ABCA7: variants seen among roughly 807,000 people sequenced by gnomAD.
ABCA7 encodes ATP binding cassette subfamily A member 7.
ABCA7 carries 261 observed loss-of-function variants against 227.6 expected under a neutral mutation model. The observed-to-expected ratio is 1.15, with a 90% CI of 1.04 to 1.27. The LOEUF is 1.27. Among genes scored for constraint, ABCA7 ranks in the 50% most tolerant of loss-of-function variants. ABCA7 has a pLI of 0.00. For synonymous variants in ABCA7, 1,488 were observed against 1,279.7 expected (o/e 1.16, Z -3.47); for missense variants, 3,331 against 2,924.5 (o/e 1.14, Z -3.21).
rs2144735598 is a variant in ABCA7, at chr19:1,047,032, C to T, written c.1845+8C>T. 1.3e-6 allele frequency: 2 copies of T among 1,557,314 alleles called. No individual in the cohort carries two copies. Among genetic ancestry groups the T allele is most frequent in the Non-Finnish European group, 8.7e-7 (1 of 1,153,548 alleles). On this transcript the variant is annotated splice_region_variant and intron_variant, in intron 14 of 46. Coordinates refer to ENST00000263094, the MANE Select transcript of ABCA7 (RefSeq NM_019112.4). ...CTGGTTCTGGTGCTCAAGGTGGGCG[C>T]GCCTCGGCCTGCCCGGCTGCAGAAT...
In ABCA7 at chr19:1,046,284, G is replaced by T; in HGVS notation, c.1500G>T (p.Trp500Cys). 1 of 1,606,390 alleles carries T rather than the reference G, an allele frequency of 6.2e-7. No individual in the cohort carries two copies. Among genetic ancestry groups the T allele is most frequent in the South Asian group, 1.1e-5 (1 of 91,070 alleles). ...ADPLTDLRYVWGGFVYLQDLV... is the reference protein window; with the variant it reads ...ADPLTDLRYVCGGFVYLQDLV... Reference sequence around the variant, plus strand: ...CCCTGACCGACCTGCGCTACGTGTGGGGCGGCTTCGTGTACCTGCAAGACC... The same window carrying T: ...CCCTGACCGACCTGCGCTACGTGTGTGGCGGCTTCGTGTACCTGCAAGACC... The change falls in exon 13 of 47, where the codon TGG becomes TGT. Residue 500 changes from tryptophan to cysteine, a missense_variant. Coordinates refer to ENST00000263094, the MANE Select transcript of ABCA7 (RefSeq NM_019112.4).
Position 1,065,410 on chromosome 19 carries a change from C to A in ABCA7, c.6426C>A (p.Ala2142=), listed in dbSNP as rs138839714. The change falls in exon 47 of 47, where the codon GCC becomes GCA. Residue 2142 remains alanine, a synonymous_variant. Coordinates refer to ENST00000263094, the MANE Select transcript of ABCA7 (RefSeq NM_019112.4). Reference sequence around the variant, plus strand: ...AGTTCCTCGATGACCCTAGCACTGCCGAGACTGTGCTCTGAGCCTCCCTCC... The same window carrying A: ...AGTTCCTCGATGACCCTAGCACTGCAGAGACTGTGCTCTGAGCCTCCCTCC... The part of the protein sequence containing the change: ...VSQFLDDPST[A]ETVL 3.7e-6 allele frequency: 6 copies of A among 1,613,208 alleles called. No homozygotes were observed. Among genetic ancestry groups the A allele is most frequent in the Non-Finnish European group, 5.1e-6 (6 of 1,179,916 alleles).
At chr19:1,042,931 CAGG>C (rs1414973807) in intron 7 of ABCA7, 105 bp downstream of exon 7, 4 of 1,510,120 alleles carry the variant, frequency 2.6e-6, no homozygotes, top group South Asian at 2.6e-5. Context: ...GGTGGGTTTT[CAGG>C]AGGATTAGAC....
intron 23 of ABCA7, 25 bp from the exon 24 acceptor site, chr19:1,053,304 C>G (rs768313470): frequency 1.3e-6 from 2 of 1,599,184 alleles, no homozygotes; most frequent in South Asian, 2.2e-5. Context: ...CCGGGGCTCC[C>G]TGAAGCACCC....
At position 1,051,339 on chromosome 19, in the gene ABCA7, G is replaced by A. The variant is rs780027130; in HGVS notation, c.2824+45G>A. 101 of 1,493,822 alleles carry A rather than the reference G, an allele frequency of 6.8e-5. 1 individual carries two copies. The Admixed American group carries it at 1.9e-3, about 28-fold the overall frequency. The allele number at this position is 1,493,822 out of a possible 1,614,324, so 92.5% of individuals were successfully genotyped here. A position where few individuals can be genotyped will look rare whatever the true frequency, so the allele number is the denominator to read the frequency against. On this transcript the variant is annotated intron_variant, in intron 20 of 46. Coordinates refer to ENST00000263094, the MANE Select transcript of ABCA7 (RefSeq NM_019112.4). ...AGGTCACCTCACAGGGAGGGGCCTG[G>A]GGATTCATCCTGAAGGCAGGGGGAA...
chr19:1,043,121 G>A lies in ABCA7; in HGVS notation c.660G>A (p.Leu220=). ...PRGTSGPLEL[L]SEALCSVRGP... is the part of the protein sequence containing the mutation. ...GGACCAGCGGCCCCCTGGAGTTGCT[G>A]TCAGAGGCCCTCTGCAGTGTCAGGG... The change falls in exon 8 of 47, where the codon CTG becomes CTA. Residue 220 remains leucine (L), a synonymous_variant. Transcript: ENST00000263094. 1 of 1,612,684 alleles carries A rather than the reference G, an allele frequency of 6.2e-7. No individual in the cohort carries two copies. Among genetic ancestry groups the A allele is most frequent in the Non-Finnish European group, 8.5e-7 (1 of 1,179,688 alleles).
chr19:1,054,469 G>A lies in ABCA7; in HGVS notation c.3727-101G>A. ...CCCAACCCAAAGCACATTTATTGAG[G>A]GCACTGGGGAGCCATGGGTGGTTGT... On this transcript the variant is annotated intron_variant, in intron 27 of 46. Transcript: ENST00000263094. The surrounding 1 kb of genome is among the most constrained non-coding windows in gnomAD (Gnocchi z 4.8). 1 of 1,563,414 alleles carries A rather than the reference G, an allele frequency of 6.4e-7. No homozygotes were observed. Among genetic ancestry groups the A allele is most frequent in the Non-Finnish European group, 8.7e-7 (1 of 1,154,814 alleles).
intron 3 of ABCA7, 69 bp downstream of exon 3, chr19:1,041,672 A>G (rs1304837209): frequency 1.3e-6 from 2 of 1,568,198 alleles, no homozygotes; most frequent in Non-Finnish European, 1.7e-6. Flanking sequence ...CGTGCACAGG[A>G]ATCCCCCGTG....
chr19:1,046,367 A>G lies in ABCA7; in HGVS notation c.1583A>G (p.Tyr528Cys). Residue 528 changes from tyrosine (Y) to cysteine (C), a missense_variant, in exon 13 of 47, where the codon TAC becomes TGC. Transcript: ENST00000263094. ...LSGANPRAGL[Y>C]LQQMPYPCYV... is the part of the protein sequence containing the mutation. ...GGCGCCAACCCCCGGGCCGGCCTCT[A>G]CCTGCAGCAGATGCCCTATCCGTGC... 6 of 1,591,828 alleles carry G rather than the reference A, an allele frequency of 3.8e-6. No homozygotes were observed. Among genetic ancestry groups the G allele is most frequent in the Non-Finnish European group, 5.1e-6 (6 of 1,172,970 alleles).
chr19:1,055,016 GA>G, intron 29 of ABCA7, 80 bp from the exon 30 acceptor site: 1 of 1,533,038 alleles, frequency 6.5e-7, no homozygotes, highest in Non-Finnish European at 8.8e-7. Flanking sequence ...GTGGCTCCAG[GA>G]ACCCCCAGAA....
rs936498949 is a variant in ABCA7, at chr19:1,063,567, T to C, written c.5736T>C (p.Arg1912=). ...VAQTAGSGLA[R]LGLSWYADRP... ...AGACCGCTGGCTCGGGCCTGGCGCG[T>C]CTGGGACTCTCATGGTACGCAGACC... is the stretch of plus-strand genomic sequence containing the variant. Residue 1912 remains arginine (R), a synonymous_variant, in exon 43 of 47, where the codon CGT becomes CGC. Coordinates refer to ENST00000263094, the MANE Select transcript of ABCA7 (RefSeq NM_019112.4). 1 of 1,610,832 alleles carries C rather than the reference T, an allele frequency of 6.2e-7. No homozygotes were observed.
chr19:1,055,238 T>TAC lies in ABCA7; in HGVS notation c.4092_4093insAC (p.Gly1365ThrfsTer9), dbSNP rs2144884802. On this transcript the variant is annotated frameshift_variant, in exon 30 of 47. Transcript: ENST00000263094. LOFTEE classifies it high-confidence loss of function. ...TGCCCGACTGCCCGGCTGCAGCTGG[T>TAC]GGTCCCCCTCCGCCCCAGGCAGTGA... is the stretch of plus-strand genomic sequence containing the variant. The TAC allele has an allele frequency of 6.2e-7, 1 of 1,605,468 alleles. No individual in the cohort carries two copies. Among genetic ancestry groups the TAC allele is most frequent in the African/African-American group, 1.3e-5 (1 of 74,790 alleles).
At chr19:1,047,678 C>A in intron 16 of ABCA7, 24 bp downstream of exon 16, 1 of 1,555,890 alleles carries the variant, frequency 6.4e-7, no homozygotes. Flanking sequence ...GGCGGGGCTC[C>A]GGGCCGGGTC....
chr19:1,054,268 G>A lies in ABCA7; in HGVS notation c.3653G>A (p.Arg1218His), dbSNP rs534172941. The change falls in exon 27 of 47, where the codon CGC becomes CAC. Residue 1218 changes from arginine to histidine, a missense_variant. Arg to His is a conservative substitution (Grantham distance 29). Coordinates refer to ENST00000263094, the MANE Select transcript of ABCA7 (RefSeq NM_019112.4). This position sits in a 1 kb window ranked among gnomAD's most constrained non-coding sequence, Gnocchi z 4.8. ...CGGGTACAGGGCTGGGCACTGACCC[G>A]CCAGCAGCTCCAGGCCCTGCTTCTC... ...VGRVQGWALT[R>H]QQLQALLLKR... 162 of 1,608,472 alleles carry A rather than the reference G, an allele frequency of 1.0e-4. 1 individual carries two copies. Among genetic ancestry groups the A allele is most frequent in the Middle Eastern group, 8.3e-4 (5 of 6,034 alleles).
At position 1,054,701 on chromosome 19, in the gene ABCA7, G is replaced by A. The variant is rs369928005; in HGVS notation, c.3851+7G>A. On this transcript the variant is annotated splice_region_variant and intron_variant, in intron 28 of 46. Transcript: ENST00000263094. This position sits in a 1 kb window ranked among gnomAD's most constrained non-coding sequence, Gnocchi z 4.8. ...CTCAGGTGTCCTTCTTCAGGTGGGT[G>A]CAGAAGGAAGGGGCTGGTGGCAGGA... 7.4e-6 allele frequency: 12 copies of A among 1,611,272 alleles called. No homozygotes were observed. The African/African-American group carries it at 1.3e-4, about 18-fold the overall frequency.
Position 1,063,867 on chromosome 19 carries a change from G to A in ABCA7, c.5951+4G>A, listed in dbSNP as rs1344822413. 1 of 1,527,382 alleles carries A rather than the reference G, an allele frequency of 6.5e-7. No homozygotes were observed. Among genetic ancestry groups the A allele is most frequent in the Non-Finnish European group, 8.8e-7 (1 of 1,136,812 alleles). 94.6% of individuals were successfully genotyped at this position (1,527,382 alleles called of 1,614,324 possible). The stretch of plus-strand genomic sequence containing the variant: ...CAGTGATGCTCACCTCCCATAGGTG[G>A]GCCGGGCTCTGATGCCCTGGGCTGT... On this transcript the variant is annotated splice_donor_region_variant and intron_variant, in intron 44 of 46. Coordinates refer to ENST00000263094, the MANE Select transcript of ABCA7 (RefSeq NM_019112.4).
Position 1,060,207 on chromosome 19 carries a change from A to ATATAT in ABCA7, c.5463+1123_5463+1124insATATT. On this transcript the variant is annotated intron_variant, in intron 40 of 46. Transcript: ENST00000263094. ...AGCACACATTGCAGTATATATATATATTTTTTTTTCTTTTTTTTTCTTTTG... is the reference window on the plus strand; with the variant it reads ...AGCACACATTGCAGTATATATATATATATATTTTTTTTTTCTTTTTTTTTCTTTTG... 5.6e-4 allele frequency among the ~76,000 whole-genome samples: 54 copies of ATATAT among 96,860 alleles called. 2 individuals carry two copies. The highest frequency in any genetic ancestry group is 1.6e-3 in the African/African-American group (47 of 28,762). The allele number at this position is 96,860 out of a possible 152,430, so 63.5% of individuals were successfully genotyped here. A position where few individuals can be genotyped will look rare whatever the true frequency, so the allele number is the denominator to read the frequency against.
chr19:1,049,219 C>T (rs1239465154), intron 17 of ABCA7, 47 bp from the exon 18 acceptor site: 1 of 1,549,360 alleles, frequency 6.5e-7, no homozygotes, highest in African/African-American at 1.4e-5. Context: ...CTTGCAGGCC[C>T]CAGGACCCCC....
At chr19:1,057,157 G>A in intron 34 of ABCA7, 73 bp downstream of exon 34, 1 of 1,566,190 alleles carries the variant, frequency 6.4e-7, no homozygotes. Context: ...CTTGTAGGCA[G>A]GGGCTTGTCC....
Sources: gnomAD v4.1 joint callset for allele counts (sites outside exome capture counted in the v4.1 genomes callset) on GRCh38, gnomAD v4.1.1 for gene constraint, Gnocchi (gnomAD v3.1) non-coding constraint, MANE v1.5 for transcripts, NCBI Gene and HGNC (gene_info 2026-07-23, HGNC 2026-07-21) for gene names.